GFRA1: variants seen among roughly 807,000 people sequenced by gnomAD.
GFRA1 encodes the protein GDNF family receptor alpha-1.
In GFRA1, 16 loss-of-function variants were observed where a neutral mutation model predicts 51.6. The observed-to-expected ratio is 0.31, with a 90% CI of 0.21 to 0.47. The LOEUF is 0.47. GFRA1 is among the 20% of genes least tolerant of loss of function. The pLI is 1.00. For synonymous variants in GFRA1, 270 were observed against 241.3 expected (o/e 1.12, Z -1.10); for missense variants, 530 against 594.3 (o/e 0.89, Z 1.13).
chr10:116,133,387 A>C (rs1958185908), intron 5 of GFRA1, among the ~76,000 whole-genome samples: 1 of 152,084 alleles, frequency 6.6e-6, no homozygotes, highest in Admixed American at 6.5e-5. Context: ...GAGGTATAAC[A>C]TTCATGGCAA....
chr10:116,130,736 C>CA (rs1185958168), intron 5 of GFRA1, among the ~76,000 whole-genome samples: 10 of 151,932 alleles, frequency 6.6e-5, no homozygotes, highest in South Asian at 6.2e-4. Context: ...TACAAACAAA[C>CA]AAAAAACCTC....
At chr10:116,138,914 G>T (rs2134084043) in intron 5 of GFRA1, among the ~76,000 whole-genome samples, 1 of 152,328 alleles carries the variant, frequency 6.6e-6, no homozygotes, top group African/African-American at 2.4e-5. Flanking sequence ...GTTAGCTGAA[G>T]AATGAAGTTT....
chr10:116,144,364 C>T (rs1016332351), intron 5 of GFRA1, among the ~76,000 whole-genome samples: 7 of 151,850 alleles, frequency 4.6e-5, no homozygotes, highest in African/African-American at 7.3e-5. Flanking sequence ...ACCCTATATT[C>T]CAAACTACAC....
At chr10:116,190,518 C>G (rs1053387143) in intron 5 of GFRA1, among the ~76,000 whole-genome samples, 2 of 152,182 alleles carry the variant, frequency 1.3e-5, no homozygotes, top group Non-Finnish European at 2.9e-5. Flanking sequence ...AACTAAAGGT[C>G]CTGCAGAAGC....
chr10:116,090,951 G>A (rs189105352), intron 8 of GFRA1, among the ~76,000 whole-genome samples: 1 of 152,072 alleles, frequency 6.6e-6, no homozygotes, highest in Admixed American at 6.5e-5. Flanking sequence ...TACATTTTTG[G>A]GGGCTGTAAG....
At chr10:116,079,411 A>G (rs560814587) in intron 9 of GFRA1, among the ~76,000 whole-genome samples, 14 of 152,082 alleles carry the variant, frequency 9.2e-5, no homozygotes, top group Non-Finnish European at 1.9e-4. Context: ...TTACACTTAT[A>G]TCTCCCTATG....
At chr10:116,078,564 C>A (rs1452703758) in intron 9 of GFRA1, among the ~76,000 whole-genome samples, 2 of 152,186 alleles carry the variant, frequency 1.3e-5, no homozygotes, top group Non-Finnish European at 2.9e-5. Context: ...CTTAACACTT[C>A]TGCTAAGGGA....
intron 9 of GFRA1, among the ~76,000 whole-genome samples, chr10:116,081,265 G>C (rs1273752644): frequency 1.3e-5 from 2 of 152,196 alleles, no homozygotes; most frequent in Non-Finnish European, 2.9e-5. Context: ...ATAACCTGTG[G>C]AGTCTGACAC....
chr10:116,188,471 T>C (rs1262057405), intron 5 of GFRA1, among the ~76,000 whole-genome samples: 1 of 152,104 alleles, frequency 6.6e-6, no homozygotes, highest in Non-Finnish European at 1.5e-5. Flanking sequence ...GAGGGGAGAA[T>C]GAGGGCTCTC....
intron 5 of GFRA1, among the ~76,000 whole-genome samples, chr10:116,194,749 G>A (rs1963589288): frequency 6.6e-6 from 1 of 152,106 alleles, no homozygotes. Context: ...CAGCATTTAG[G>A]AGCATCTTTG....
intron 4 of GFRA1, among the ~76,000 whole-genome samples, chr10:116,241,288 G>C (rs1264654109): frequency 6.6e-6 from 1 of 152,084 alleles, no homozygotes; most frequent in African/African-American, 2.4e-5. Context: ...CCATACTTTC[G>C]TCCAACTATC....
intron 5 of GFRA1, among the ~76,000 whole-genome samples, chr10:116,193,159 AT>A (rs907425993): frequency 2.6e-5 from 4 of 152,000 alleles, no homozygotes; most frequent in African/African-American, 4.8e-5. Context: ...ATAAAAATAG[AT>A]TTTTTTTATT....
At chr10:116,073,785 C>T (rs1417492606) in intron 9 of GFRA1, among the ~76,000 whole-genome samples, 1 of 152,124 alleles carries the variant, frequency 6.6e-6, no homozygotes, top group Non-Finnish European at 1.5e-5. Context: ...TCTCATTCTC[C>T]TGTGCATTTA....
At chr10:116,244,161 ATCTT>A (rs1967653933) in intron 4 of GFRA1, among the ~76,000 whole-genome samples, 1 of 152,100 alleles carries the variant, frequency 6.6e-6, no homozygotes, top group South Asian at 2.1e-4. Flanking sequence ...ATATGGGAGA[ATCTT>A]TCAGATTGAT....
intron 4 of GFRA1, among the ~76,000 whole-genome samples, 171 bp downstream of exon 4, chr10:116,269,332 C>T (rs1199975273): frequency 2.0e-5 from 3 of 152,192 alleles, no homozygotes; most frequent in Non-Finnish European, 4.4e-5. Context: ...TCAAGTCATA[C>T]AATCATCTCT....
intron 5 of GFRA1, among the ~76,000 whole-genome samples, chr10:116,186,042 A>G (rs1962682795): frequency 6.6e-6 from 1 of 152,130 alleles, no homozygotes; most frequent in Non-Finnish European, 1.5e-5. Flanking sequence ...TGGGAGAGCA[A>G]GAACCAAGGG....
chr10:116,197,331 G>A (rs1194657176), intron 5 of GFRA1, among the ~76,000 whole-genome samples: 2 of 152,052 alleles, frequency 1.3e-5, no homozygotes, highest in South Asian at 4.1e-4. Flanking sequence ...TCTGAACCAG[G>A]TATTAAGCCC....
chr10:116,127,208 A>G (rs1957915823), intron 5 of GFRA1, among the ~76,000 whole-genome samples: 1 of 152,192 alleles, frequency 6.6e-6, no homozygotes, highest in South Asian at 2.1e-4. Flanking sequence ...GATTGTTATC[A>G]ATATTCTATT....
intron 8 of GFRA1, among the ~76,000 whole-genome samples, chr10:116,092,138 C>CACA (rs1232323825): frequency 2.7e-5 from 4 of 149,462 alleles, no homozygotes; most frequent in South Asian, 2.1e-4. Context: ...CACACACACA[C>CACA]ATTTTCAGTC....
Sources: allele counts gnomAD v4.1 joint callset (sites outside exome capture counted in the v4.1 genomes callset), GRCh38; gene constraint gnomAD v4.1.1; transcripts MANE v1.5; gene names NCBI Gene and HGNC (gene_info 2026-07-23, HGNC 2026-07-21).